The following HDDC2 variants were observed in gnomAD, a reference collection of about 807,000 sequenced individuals.
The protein encoded by HDDC2 is 5'-deoxynucleotidase HDDC2.
HDDC2 carries 25 observed loss-of-function variants against 25.5 expected under a neutral mutation model. That is an observed-to-expected ratio of 0.98 (90% confidence interval 0.72 to 1.37). The LOEUF (loss-of-function observed/expected upper bound fraction) is 1.37. HDDC2 is among the 40% of genes most tolerant of loss of function. HDDC2 has a pLI of 0.00. For missense variants in HDDC2, 264 were observed against 253.1 expected (o/e 1.04, Z -0.29); for synonymous variants, 106 against 89.7 (o/e 1.18, Z -1.03).
At position 125,290,596 on chromosome 6, in the gene HDDC2, C is replaced by T. The variant is rs1364530647; in HGVS notation, c.378+2245G>A. Among the ~76,000 whole-genome samples the T allele has an allele frequency of 3.9e-5, 6 of 152,176 alleles. No individual in the cohort carries two copies. The East Asian group carries it at 1.2e-3, about 30-fold the overall frequency. On this transcript the variant is annotated intron_variant, in intron 4 of 5. Coordinates refer to ENST00000398153, the MANE Select transcript of HDDC2 (RefSeq NM_016063.3). ...CGTGGTCTTACTTGATGAGAGCGGA[C>T]CCTTATTCAATAGAGAGAAATTTGG...
chr6:125,301,856 TGCCCTACCA>T lies in HDDC2; in HGVS notation c.68_76del (p.Leu23_Gly25del), dbSNP rs1276620460. ...GGCCTGGTGCCCGCTCACCTTGAGC[TGCCCTACCA>T]GCCGCAGGAACTGCAGTAGGGACCG... On this transcript the variant is annotated inframe_deletion, in exon 1 of 6. Transcript: ENST00000398153. 6.5e-7 allele frequency: 1 copy of T among 1,544,152 alleles called. No individual in the cohort carries two copies. Among genetic ancestry groups the T allele is most frequent in the Non-Finnish European group, 8.7e-7 (1 of 1,146,636 alleles).
rs148799621 is a variant in HDDC2 at position 125,283,415 on chromosome 6, C to T, written c.379-6175G>A. 6.1e-4 allele frequency among the ~76,000 whole-genome samples: 93 copies of T among 152,280 alleles called. No individual in the cohort carries two copies. The East Asian group carries it at 0.015, about 24-fold the overall frequency. ...ATGTCATGATTATATATTTAGAAAA[C>T]CCCATTGTCTCAGCCCCAAAACTCC... On this transcript the variant is annotated intron_variant, in intron 4 of 5. Coordinates refer to ENST00000398153, the MANE Select transcript of HDDC2 (RefSeq NM_016063.3).
chr6:125,300,986 G>A (rs1406752537), intron 1 of HDDC2, among the ~76,000 whole-genome samples: 1 of 152,046 alleles, frequency 6.6e-6, no homozygotes, highest in African/African-American at 2.4e-5. Flanking sequence ...CAAGAGTTGC[G>A]GCTTTTTGCC....
At position 125,293,486 on chromosome 6, in the gene HDDC2, G is replaced by T. The variant is rs180943693; in HGVS notation, c.310-577C>A. 4.5e-4 allele frequency among the ~76,000 whole-genome samples: 69 copies of T among 152,286 alleles called. 1 individual carries two copies. In the East Asian group the frequency reaches 0.011, roughly 24 times the overall value. ...CTCACAGACTCACAGGCTGAAAAGG[G>T]ATATTAAACGGCAATTAGCTAAACC... On this transcript the variant is annotated intron_variant, in intron 3 of 5. Transcript: ENST00000398153.
chr6:125,289,515 CAAAAA>C (rs59679528), intron 4 of HDDC2, among the ~76,000 whole-genome samples: 29,100 of 142,512 alleles, frequency 0.2, 4,112 homozygotes, highest in African/African-American at 0.37. Flanking sequence ...CAAAACAAAA[CAAAAA>C]AAACAAAAAA....
chr6:125,298,117 G>T (rs891808410), intron 3 of HDDC2, among the ~76,000 whole-genome samples: 2 of 151,940 alleles, frequency 1.3e-5, no homozygotes, highest in East Asian at 3.9e-4. Context: ...GAGGGAGAGG[G>T]GGGTTAAAAA....
In HDDC2 at chr6:125,300,609, G is replaced by T; in HGVS notation, c.135C>A (p.Ser45Arg). 1 of 1,614,056 alleles carries T rather than the reference G, an allele frequency of 6.2e-7. No homozygotes were observed. The highest frequency in any genetic ancestry group is 8.5e-7 in the Non-Finnish European group (1 of 1,179,950). ...CCATCCGGTACATGTGATCTGAAAC[G>T]CTCTCCGGCCTCTGGACATTTCTGT... ...WVYRNVQRPE[S>R]VSDHMYRMAV... Residue 45 changes from serine to arginine, a missense_variant, in exon 2 of 6, where the codon AGC (serine) becomes AGA (arginine). Physicochemically the swap from Ser to Arg is moderately radical, Grantham distance 110. Coordinates refer to ENST00000398153, the MANE Select transcript of HDDC2 (RefSeq NM_016063.3).
At chr6:125,292,256 A>T (rs1159464559) in intron 4 of HDDC2, among the ~76,000 whole-genome samples, 1 of 152,112 alleles carries the variant, frequency 6.6e-6, no homozygotes, top group East Asian at 1.9e-4. Flanking sequence ...ACAGTAGAAG[A>T]GGGAAGCAAT....
In HDDC2 at chr6:125,300,581, C is replaced by A. The variant is rs557610087; in HGVS notation, c.163G>T (p.Val55Phe). ...SVSDHMYRMA[V>F]MAMVIKDDRL... ...TCATCTTTGATCACCATAGCCATAA[C>A]TGCCATCCGGTACATGTGATCTGAA... The change falls in exon 2 of 6, where the codon GTT becomes TTT. Residue 55 changes from valine (V) to phenylalanine (F), a missense_variant. Physicochemically the swap from Val to Phe is conservative, Grantham distance 50 (BLOSUM62 -1). Transcript: ENST00000398153. The A allele has an allele frequency of 5.6e-6, 9 of 1,614,078 alleles. No homozygotes were observed. Among genetic ancestry groups the A allele is most frequent in the Non-Finnish European group, 7.6e-6 (9 of 1,180,032 alleles).
At chr6:125,294,740 T>C (rs956765557) in intron 3 of HDDC2, among the ~76,000 whole-genome samples, 1 of 152,210 alleles carries the variant, frequency 6.6e-6, no homozygotes, top group South Asian at 2.1e-4. Flanking sequence ...TACAGTGATA[T>C]ATGTATGATC....
intron 3 of HDDC2, among the ~76,000 whole-genome samples, chr6:125,296,227 A>G (rs193160429): frequency 6.6e-6 from 1 of 152,332 alleles, no homozygotes; most frequent in Non-Finnish European, 1.5e-5. Context: ...ATGACAAAGT[A>G]TATGGAAGGG....
In HDDC2 at chr6:125,300,613, T is replaced by G; in HGVS notation, c.131A>C (p.Glu44Ala). The G allele has an allele frequency of 1.2e-6, 2 of 1,614,152 alleles. No homozygotes were observed. The highest frequency in any genetic ancestry group is 1.7e-6 in the Non-Finnish European group (2 of 1,180,006). ...GWVYRNVQRP[E>A]SVSDHMYRMA... ...CCGGTACATGTGATCTGAAACGCTC[T>G]CCGGCCTCTGGACATTTCTGTATAC... is the stretch of plus-strand genomic sequence containing the variant. The change falls in exon 2 of 6, where the codon GAG (glutamate) becomes GCG (alanine). Residue 44 changes from glutamate (E) to alanine (A), a missense_variant. By Grantham distance (107) the Glu-to-Ala change is moderately radical. Coordinates refer to ENST00000398153, the MANE Select transcript of HDDC2 (RefSeq NM_016063.3).
At position 125,276,091 on chromosome 6, in the gene HDDC2, C is replaced by G; in HGVS notation, c.*55G>C. 1 of 1,280,284 alleles carries G rather than the reference C, an allele frequency of 7.8e-7. No individual in the cohort carries two copies. Among genetic ancestry groups the G allele is most frequent in the Non-Finnish European group, 1.1e-6 (1 of 880,668 alleles). 79.3% of individuals were successfully genotyped at this position (1,280,284 alleles called of 1,614,324 possible). A position where few individuals can be genotyped will look rare whatever the true frequency, so the allele number is the denominator to read the frequency against. Reference sequence around the variant, plus strand: ...AGACCAACAATGGCAAAACACAATACAATGAAATGGAAAAATAATGTTTGT... The same window carrying G: ...AGACCAACAATGGCAAAACACAATAGAATGAAATGGAAAAATAATGTTTGT... On this transcript the variant is annotated 3_prime_UTR_variant, in exon 6 of 6. Transcript: ENST00000398153.
At chr6:125,289,893 A>T (rs1368122919) in intron 4 of HDDC2, among the ~76,000 whole-genome samples, 1 of 152,244 alleles carries the variant, frequency 6.6e-6, no homozygotes, top group African/African-American at 2.4e-5. Context: ...TTTAAGGCAA[A>T]ATGCAGGTGG....
rs538312817 is a variant in HDDC2 at position 125,289,901 on chromosome 6, T to C, written c.378+2940A>G. The stretch of plus-strand genomic sequence containing the variant: ...ACATTTCTTTAAGGCAAAATGCAGG[T>C]GGTGGAGAAGACATCTTTCTGTGAT... On this transcript the variant is annotated intron_variant, in intron 4 of 5. Transcript: ENST00000398153. 2.0e-5 allele frequency among the ~76,000 whole-genome samples: 3 copies of C among 152,238 alleles called. No homozygotes were observed. In the South Asian group the frequency reaches 6.2e-4, roughly 32 times the overall value.
At position 125,301,701 on chromosome 6, in the gene HDDC2, C is replaced by T; in HGVS notation, c.84+148G>A. On this transcript the variant is annotated intron_variant, in intron 1 of 5. Transcript: ENST00000398153. The stretch of plus-strand genomic sequence containing the variant: ...CACCGTCGGCAACGCGCGGCCGCAT[C>T]CGCAGGACTGGGGCCTTTCCGGAAT... 6 of 577,216 alleles carry T rather than the reference C, an allele frequency of 1.0e-5. No homozygotes were observed. The South Asian group carries it at 1.4e-4, about 13-fold the overall frequency. 35.8% of individuals were successfully genotyped at this position (577,216 alleles called of 1,614,324 possible). A position where few individuals can be genotyped will look rare whatever the true frequency, so the allele number is the denominator to read the frequency against.
At chr6:125,291,032 T>C (rs1445647928) in intron 4 of HDDC2, among the ~76,000 whole-genome samples, 1 of 152,188 alleles carries the variant, frequency 6.6e-6, no homozygotes, top group Non-Finnish European at 1.5e-5. Context: ...GTACAAACTA[T>C]TGTAGAAGTT....
At position 125,290,325 on chromosome 6, in the gene HDDC2, A is replaced by T. The variant is rs1411047355; in HGVS notation, c.378+2516T>A. On this transcript the variant is annotated intron_variant, in intron 4 of 5. Transcript: ENST00000398153. The stretch of plus-strand genomic sequence containing the variant: ...ATTTTACAGATGAGGAAATTGAGGC[A>T]CAGAGAGATTAATTGCTCAAGATCT... Among the ~76,000 whole-genome samples, 3 of 152,322 alleles carry T rather than the reference A, an allele frequency of 2.0e-5. No individual in the cohort carries two copies. The East Asian group carries it at 5.8e-4, about 29-fold the overall frequency.
At chr6:125,293,754 G>A (rs1052523306) in intron 3 of HDDC2, among the ~76,000 whole-genome samples, 5 of 152,112 alleles carry the variant, frequency 3.3e-5, no homozygotes, top group Admixed American at 2.6e-4. Context: ...CAGTGACCCC[G>A]CTGGGCTGGA....
Sources: allele counts gnomAD v4.1 joint callset (sites outside exome capture counted in the v4.1 genomes callset), GRCh38; gene constraint gnomAD v4.1.1; transcripts MANE v1.5; gene names NCBI Gene and HGNC (gene_info 2026-07-23, HGNC 2026-07-21).